The following TG variants were observed in gnomAD, a reference collection of about 807,000 sequenced individuals.
The protein encoded by TG is thyroid hormones.
In TG, 270 loss-of-function variants were observed where a neutral mutation model predicts 324.7. The observed-to-expected ratio is 0.83, with a 90% CI of 0.75 to 0.92. The LOEUF (loss-of-function observed/expected upper bound fraction) is 0.92. Ranked by LOEUF, TG falls within the 40% of genes least tolerant of loss-of-function variation. TG has a pLI of 0.00. For missense variants in TG, 3,591 were observed against 3,456.4 expected (o/e 1.04, Z -0.98); for synonymous variants, 1,401 against 1,327.0 (o/e 1.06, Z -1.21).
intron 34 of TG, among the ~76,000 whole-genome samples, chr8:132,982,086 G>C (rs1830933848): frequency 6.6e-6 from 1 of 152,194 alleles, no homozygotes; most frequent in African/African-American, 2.4e-5. Flanking sequence ...TACACAGGAT[G>C]TATTGAACGT....
intron 43 of TG, among the ~76,000 whole-genome samples, chr8:133,099,280 C>A (rs952733318): frequency 6.6e-5 from 10 of 152,268 alleles, no homozygotes; most frequent in African/African-American, 2.4e-4. Flanking sequence ...CCGTTCGTTT[C>A]TGGCTTCGCT....
intron 27 of TG, among the ~76,000 whole-genome samples, chr8:132,957,139 G>A (rs183847423): frequency 6.6e-6 from 1 of 152,258 alleles, no homozygotes; most frequent in Non-Finnish European, 1.5e-5. Context: ...AGACCACCAA[G>A]GGGTTATAAC....
intron 10 of TG, among the ~76,000 whole-genome samples, chr8:132,889,491 C>T (rs1442515703): frequency 6.6e-6 from 1 of 152,078 alleles, no homozygotes; most frequent in Admixed American, 6.6e-5. Context: ...ACGGTAATAC[C>T]CTTGGCATTT....
At chr8:132,995,721 A>G (rs1341789471) in intron 35 of TG, among the ~76,000 whole-genome samples, 1 of 152,138 alleles carries the variant, frequency 6.6e-6, no homozygotes. Flanking sequence ...TTAGAGAGAA[A>G]TCAGATTCAA....
chr8:133,102,384 C>A (rs1317052261), intron 43 of TG: 1 of 590,788 alleles, frequency 1.7e-6, no homozygotes. Flanking sequence ...AAGTCCTGCC[C>A]CCTGGAGCTA....
intron 43 of TG, among the ~76,000 whole-genome samples, chr8:133,099,491 C>T (rs149552694): frequency 1.3e-5 from 2 of 152,320 alleles, no homozygotes; most frequent in Non-Finnish European, 2.9e-5. Context: ...TGTCTGCACA[C>T]AGATTTATTC....
chr8:132,950,617 G>T (rs533462378), intron 27 of TG, among the ~76,000 whole-genome samples: 1 of 152,320 alleles, frequency 6.6e-6, no homozygotes, highest in South Asian at 2.1e-4. Context: ...GCAGTCAGCA[G>T]CGTGCCGCAA....
intron 41 of TG, among the ~76,000 whole-genome samples, chr8:133,066,489 A>G (rs1460287278): frequency 6.6e-6 from 1 of 152,236 alleles, no homozygotes; most frequent in Non-Finnish European, 1.5e-5. Flanking sequence ...AAATGTTTCC[A>G]AGGACTCTCT....
intron 41 of TG, chr8:133,050,818 A>G: frequency 6.2e-7 from 1 of 1,600,952 alleles, no homozygotes; most frequent in Non-Finnish European, 8.6e-7. Flanking sequence ...TGACTCACTC[A>G]GAAATCACAC....
In TG at chr8:132,908,206, A is replaced by G; in HGVS notation, c.3868A>G (p.Ile1290Val). The G allele has an allele frequency of 6.2e-7, 1 of 1,614,030 alleles. No individual in the cohort carries two copies. Among genetic ancestry groups the G allele is most frequent in the Non-Finnish European group, 8.5e-7 (1 of 1,180,000 alleles). ...TGCAGGGCCCCAGCTGTGGCAGACC[A>G]TCCAGACCCAAGGGCACTTTCAGCT... The part of the protein sequence containing the change: ...ACQRPQLWQT[I>V]QTQGHFQLQL... The change falls in exon 18 of 48, where the codon ATC (isoleucine) becomes GTC (valine). Residue 1290 changes from isoleucine to valine, a missense_variant. Physicochemically the swap from Ile to Val is conservative, Grantham distance 29. Coordinates refer to ENST00000220616, the MANE Select transcript of TG (RefSeq NM_003235.5).
At chr8:132,867,985 C>T in intron 1 of TG, 130 bp from the exon 2 acceptor site, 1 of 817,698 alleles carries the variant, frequency 1.2e-6, no homozygotes, top group Non-Finnish European at 2.1e-6. Context: ...GCTTAGCTGC[C>T]AAATTTTAAA....
At chr8:133,040,912 G>C (rs1167477786) in intron 41 of TG, among the ~76,000 whole-genome samples, 1 of 152,158 alleles carries the variant, frequency 6.6e-6, no homozygotes, top group African/African-American at 2.4e-5. Context: ...AAATAAACCC[G>C]TTTCTTTTTT....
chr8:133,117,952 C>T (rs1228184034), intron 45 of TG, among the ~76,000 whole-genome samples: 1 of 152,194 alleles, frequency 6.6e-6, no homozygotes, highest in Non-Finnish European at 1.5e-5. Context: ...AAAGTTTTTC[C>T]TCTTAGGGTT....
At chr8:133,038,927 G>A (rs189094351) in intron 41 of TG, among the ~76,000 whole-genome samples, 4 of 151,968 alleles carry the variant, frequency 2.6e-5, no homozygotes, top group Non-Finnish European at 5.9e-5. Flanking sequence ...GCCCAGGCTG[G>A]AGTGCAGTGG....
chr8:133,049,660 T>A (rs1840054552), intron 41 of TG: 1 of 507,360 alleles, frequency 2.0e-6, no homozygotes, highest in African/African-American at 1.9e-5. Flanking sequence ...AGGAGCACCA[T>A]GTTAGAGCTG....
At chr8:133,127,489 T>C (rs1247334584) in intron 45 of TG, among the ~76,000 whole-genome samples, 1 of 152,146 alleles carries the variant, frequency 6.6e-6, no homozygotes, top group Non-Finnish European at 1.5e-5. Context: ...ACCCTAGGAT[T>C]TCTCAGTTCT....
intron 41 of TG, among the ~76,000 whole-genome samples, chr8:133,094,082 C>A (rs9297864): frequency 0.72 from 108,431 of 151,464 alleles, 39,233 homozygotes; most frequent in Non-Finnish European, 0.75. Context: ...AGCCCCATAG[C>A]GGATGCACCC....
At chr8:133,024,666 T>C (rs543021129) in intron 40 of TG, among the ~76,000 whole-genome samples, 2 of 152,030 alleles carry the variant, frequency 1.3e-5, no homozygotes, top group African/African-American at 4.8e-5. Flanking sequence ...TGGTGTTTGG[T>C]TTTCTGTTCC....
At chr8:133,060,864 C>A (rs1194470080) in intron 41 of TG, among the ~76,000 whole-genome samples, 1 of 152,178 alleles carries the variant, frequency 6.6e-6, no homozygotes, top group East Asian at 1.9e-4. Flanking sequence ...TGTATGAGGT[C>A]ACATGGCAAG....
Sources: gnomAD v4.1 joint callset for allele counts (sites outside exome capture counted in the v4.1 genomes callset) on GRCh38, gnomAD v4.1.1 for gene constraint, MANE v1.5 for transcripts, NCBI Gene and HGNC (gene_info 2026-07-23, HGNC 2026-07-21) for gene names.